FRMPD4: variants seen among roughly 807,000 people sequenced by gnomAD.
FRMPD4 encodes FERM and PDZ domain-containing protein 4.
FRMPD4 carries 22 observed loss-of-function variants against 94.1 expected under a neutral mutation model. The ratio of observed to expected loss-of-function variants is 0.23; its 90% confidence interval spans 0.17 to 0.33. The LOEUF (loss-of-function observed/expected upper bound fraction) is 0.33, where lower values mean the gene tolerates loss of function less well. Ranked by LOEUF, FRMPD4 falls within the 10% of genes least tolerant of loss-of-function variation. The pLI is 1.00. For synonymous variants in FRMPD4, 631 were observed against 548.6 expected, an observed-to-expected ratio of 1.15 and a Z score of -2.10; for missense variants, 1,111 against 1,339.9, an observed-to-expected ratio of 0.83 and a Z score of 2.67.
At chrX:12,057,238 TCA>T (rs2054859457) in intron 3 of FRMPD4, among the ~76,000 whole-genome samples, 1 of 111,834 alleles carries the variant, frequency 8.9e-6, no homozygotes. Flanking sequence ...AGAATTGAAA[TCA>T]CAATTACTAT....
chrX:12,194,638 G>A (rs962585309), intron 1 of FRMPD4, among the ~76,000 whole-genome samples: 4 of 111,749 alleles, frequency 3.6e-5, no homozygotes, highest in Non-Finnish European at 7.5e-5. Flanking sequence ...TTAAGAAAAT[G>A]TAATACAAAT....
chrX:12,012,146 G>A (rs1403303368), intron 3 of FRMPD4, among the ~76,000 whole-genome samples: 3 of 111,277 alleles, frequency 2.7e-5, no homozygotes, highest in Non-Finnish European at 5.7e-5. Flanking sequence ...TGATCCACCT[G>A]CCTTGGCCTC....
At chrX:12,150,451 CTT>C (rs1396280539) in intron 1 of FRMPD4, among the ~76,000 whole-genome samples, 6 of 111,803 alleles carry the variant, frequency 5.4e-5, no homozygotes, top group Admixed American at 9.6e-5. Context: ...TATTTCTTTT[CTT>C]TCCTTTCCTT....
chrX:11,929,466 G>A (rs1276007924), intron 3 of FRMPD4, among the ~76,000 whole-genome samples: 1 of 112,179 alleles, frequency 8.9e-6, no homozygotes, highest in Non-Finnish European at 1.9e-5. Flanking sequence ...ATAAAGTGCT[G>A]GATACACATC....
chrX:12,045,877 C>T (rs1279168092), intron 3 of FRMPD4, among the ~76,000 whole-genome samples: 2 of 111,395 alleles, frequency 1.8e-5, no homozygotes. Flanking sequence ...GCTTCAGTGA[C>T]ACGTAAAACA....
chrX:12,109,640 T>G (rs1204771639), intron 3 of FRMPD4, among the ~76,000 whole-genome samples: 2 of 111,234 alleles, frequency 1.8e-5, no homozygotes, highest in Non-Finnish European at 3.8e-5. Context: ...CAGGAGCTGG[T>G]TTTTTGAAAA....
Position 12,718,299 on chromosome X carries a change from C to T in FRMPD4, c.3473C>T (p.Ser1158Phe). Residue 1158 changes from serine to phenylalanine, a missense_variant, in exon 16 of 17, where the codon TCT (serine) becomes TTT (phenylalanine). Ser to Phe is a radical substitution (Grantham distance 155). Transcript: ENST00000675598. ...TTCTTAACTGACGTGACCTGTGCAT[C>T]TTCAGCCAAAGACTTAGATAACCCA... ...DRFLTDVTCA[S>F]SAKDLDNPED... 1 of 1,211,414 alleles carries T rather than the reference C, an allele frequency of 8.3e-7. No individual in the cohort carries two copies. The highest frequency in any genetic ancestry group is 1.1e-6 in the Non-Finnish European group (1 of 894,986).
chrX:12,519,642 T>C (rs1213054941), intron 2 of FRMPD4, among the ~76,000 whole-genome samples: 1 of 112,303 alleles, frequency 8.9e-6, no homozygotes, highest in East Asian at 2.8e-4. Flanking sequence ...AGGAAATATT[T>C]GCAAATCATA....
At chrX:12,520,415 T>G (rs1057042015) in intron 2 of FRMPD4, among the ~76,000 whole-genome samples, 3 of 111,833 alleles carry the variant, frequency 2.7e-5, no homozygotes, top group Non-Finnish European at 5.6e-5. Flanking sequence ...TTTTGCAAAG[T>G]GAAAAAGTTC....
intron 3 of FRMPD4, among the ~76,000 whole-genome samples, chrX:11,897,150 CAAAAAAA>C (rs997285182): frequency 4.9e-5 from 2 of 40,664 alleles, no homozygotes; most frequent in South Asian, 2.1e-3. Flanking sequence ...GGATGAATTA[CAAAAAAA>C]AAAAAAAAAG....
chrX:12,574,417 A>G (rs1203728352), intron 2 of FRMPD4, among the ~76,000 whole-genome samples: 1 of 112,523 alleles, frequency 8.9e-6, no homozygotes, highest in African/African-American at 3.2e-5. Flanking sequence ...AGAGAATGAG[A>G]ATATTCTGTT....
rs147875357 is a variant in FRMPD4, at chrX:12,705,409, G to A, written c.1197+924G>A. ...CAATTGATATTAGCTGGAGAAATTTGTGTGACTCTAATACAAATCACTGTT... is the reference window on the plus strand; with the variant it reads ...CAATTGATATTAGCTGGAGAAATTTATGTGACTCTAATACAAATCACTGTT... On this transcript the variant is annotated intron_variant, in intron 11 of 16. Coordinates refer to ENST00000675598, the MANE Select transcript of FRMPD4 (RefSeq NM_001368397.1). 1.1e-3 allele frequency among the ~76,000 whole-genome samples: 121 copies of A among 111,957 alleles called. 1 individual carries two copies. In the East Asian group the frequency reaches 0.026, roughly 24 times the overall value.
chrX:12,322,224 C>T (rs2055217968), intron 1 of FRMPD4, among the ~76,000 whole-genome samples: 1 of 111,839 alleles, frequency 8.9e-6, no homozygotes, highest in Admixed American at 9.5e-5. Flanking sequence ...CAGGACTATA[C>T]TATCTCTAGC....
chrX:12,541,401 A>ACTGT, intron 2 of FRMPD4, among the ~76,000 whole-genome samples: 1 of 111,570 alleles, frequency 9.0e-6, no homozygotes, highest in East Asian at 2.8e-4. Flanking sequence ...AAAATGATAA[A>ACTGT]GGGGATATCA....
intron 2 of FRMPD4, among the ~76,000 whole-genome samples, chrX:11,866,396 G>A (rs1231563728): frequency 9.0e-6 from 1 of 111,281 alleles, no homozygotes; most frequent in African/African-American, 3.3e-5. Context: ...AAGAACATTG[G>A]GTTTAGGCAA....
chrX:12,590,967 CTAA>C (rs974555862), intron 2 of FRMPD4, among the ~76,000 whole-genome samples: 1 of 112,018 alleles, frequency 8.9e-6, no homozygotes, highest in African/African-American at 3.2e-5. Context: ...TAATATTTCC[CTAA>C]TAATATTTTG....
intron 2 of FRMPD4, among the ~76,000 whole-genome samples, chrX:12,587,586 A>G (rs1569352040): frequency 9.0e-6 from 1 of 110,834 alleles, no homozygotes; most frequent in African/African-American, 3.3e-5. Context: ...AGGATCATTC[A>G]TGTTGTAGTA....
intron 3 of FRMPD4, among the ~76,000 whole-genome samples, chrX:12,028,099 A>G: frequency 8.9e-6 from 1 of 112,085 alleles, no homozygotes; most frequent in Non-Finnish European, 1.9e-5. Flanking sequence ...TCTGCTCAGC[A>G]CGTCACAAGC....
At chrX:11,907,252 T>C (rs1442732771) in intron 3 of FRMPD4, among the ~76,000 whole-genome samples, 1 of 110,971 alleles carries the variant, frequency 9.0e-6, no homozygotes, top group African/African-American at 3.3e-5. Flanking sequence ...CTGAATCCAG[T>C]AACTGGACCC....
Sources: allele counts gnomAD v4.1 joint callset (sites outside exome capture counted in the v4.1 genomes callset), GRCh38; gene constraint gnomAD v4.1.1; transcripts MANE v1.5; gene names NCBI Gene and HGNC (gene_info 2026-07-23, HGNC 2026-07-21).